The following LYST variants were observed in gnomAD, a reference collection of about 807,000 sequenced individuals.
The protein encoded by LYST is lysosomal-trafficking regulator.
LYST carries 192 observed loss-of-function variants against 413.6 expected under a neutral mutation model. The observed-to-expected ratio is 0.46, with a 90% CI of 0.41 to 0.52. LYST has a LOEUF of 0.52. Ranked by LOEUF, LYST falls within the 20% of genes least tolerant of loss-of-function variation. The pLI is 0.00. For synonymous variants in LYST, 1,525 were observed against 1,567.3 expected, an observed-to-expected ratio of 0.97 and a Z score of 0.64; for missense variants, 3,815 against 4,499.9, an observed-to-expected ratio of 0.85 and a Z score of 4.35.
chr1:235,771,084 T>C (rs1324667234), intron 19 of LYST, among the ~76,000 whole-genome samples: 4 of 152,306 alleles, frequency 2.6e-5, no homozygotes, highest in African/African-American at 7.2e-5. Flanking sequence ...AACCAAGATA[T>C]TGATAGACTT....
intron 50 of LYST, among the ~76,000 whole-genome samples, chr1:235,673,909 C>T (rs1156432748): frequency 6.6e-6 from 1 of 152,182 alleles, no homozygotes; most frequent in African/African-American, 2.4e-5. Context: ...TCCGCTCACA[C>T]CTTAAATAAA....
At chr1:235,698,924 T>C (rs1165185009) in intron 45 of LYST, among the ~76,000 whole-genome samples, 4 of 151,996 alleles carry the variant, frequency 2.6e-5, no homozygotes, top group Non-Finnish European at 2.9e-5. Flanking sequence ...TTGAGAAAAA[T>C]GTGTGTGCTA....
At chr1:235,780,405 T>TA (rs903701174) in intron 16 of LYST, among the ~76,000 whole-genome samples, 30 of 145,922 alleles carry the variant, frequency 2.1e-4, no homozygotes, top group African/African-American at 4.8e-4. Flanking sequence ...TCCTGTCTCT[T>TA]AAAAAAAAAA....
At chr1:235,751,904 C>T in intron 27 of LYST, 101 bp downstream of exon 27, 1 of 873,418 alleles carries the variant, frequency 1.1e-6, no homozygotes, top group South Asian at 1.6e-5. Flanking sequence ...TAATGTTAAA[C>T]TTTTAGTAAA....
chr1:235,773,283 A>T (rs999425845), intron 19 of LYST, among the ~76,000 whole-genome samples: 1 of 151,902 alleles, frequency 6.6e-6, no homozygotes, highest in Non-Finnish European at 1.5e-5. Flanking sequence ...ACGCCACTGC[A>T]CTCCAGCCTG....
chr1:235,738,922 A>G lies in LYST; in HGVS notation c.8358+2500T>C. Reference sequence around the variant, plus strand: ...CGTGTGAAGGTGACTCTGACTCCTGAGGAAGGGGCCCATTTGAAGAACAGT... The same window carrying G: ...CGTGTGAAGGTGACTCTGACTCCTGGGGAAGGGGCCCATTTGAAGAACAGT... On this transcript the variant is annotated intron_variant, in intron 31 of 52. Coordinates refer to ENST00000389793, the MANE Select transcript of LYST (RefSeq NM_000081.4). The G allele has an allele frequency of 4.1e-6, 3 of 729,944 alleles. No homozygotes were observed. In the East Asian group the frequency reaches 7.5e-5, roughly 18 times the overall value. The allele number at this position is 729,944 out of a possible 1,614,324, so 45.2% of individuals were successfully genotyped here.
intron 34 of LYST, 136 bp downstream of exon 34, chr1:235,733,367 A>C (rs986017215): frequency 1.3e-6 from 1 of 758,560 alleles, no homozygotes; most frequent in South Asian, 1.7e-5. Context: ...GATGAAAAAA[A>C]CATCACAAAT....
intron 1 of LYST, among the ~76,000 whole-genome samples, chr1:235,843,230 A>G (rs1369629662): frequency 1.3e-5 from 2 of 151,366 alleles, no homozygotes; most frequent in East Asian, 3.9e-4. Flanking sequence ...TTTTTCATAA[A>G]TTCATTAATT....
intron 49 of LYST, 82 bp from the exon 50 acceptor site, chr1:235,677,270 T>C: frequency 8.4e-7 from 1 of 1,192,422 alleles, no homozygotes; most frequent in Non-Finnish European, 1.2e-6. Context: ...CTTCTCAGTC[T>C]ATGTACCTAT....
chr1:235,798,752 C>T (rs1671870485), intron 10 of LYST, among the ~76,000 whole-genome samples: 1 of 151,998 alleles, frequency 6.6e-6, no homozygotes, highest in Non-Finnish European at 1.5e-5. Context: ...TCACAAAAGA[C>T]CACATATTCC....
chr1:235,820,375 C>CT (rs1176878134), intron 3 of LYST, among the ~76,000 whole-genome samples: 3,958 of 145,178 alleles, frequency 0.027, 163 homozygotes, highest in African/African-American at 0.091. Flanking sequence ...TCTTTTCTTT[C>CT]TTTTTTTTTT....
At chr1:235,750,734 C>A (rs939377095) in intron 28 of LYST, among the ~76,000 whole-genome samples, 2 of 152,126 alleles carry the variant, frequency 1.3e-5, no homozygotes. Context: ...TGCACTGTTT[C>A]TTCTTTAGCT....
At chr1:235,836,337 A>G (rs1477480592) in intron 1 of LYST, among the ~76,000 whole-genome samples, 1 of 152,222 alleles carries the variant, frequency 6.6e-6, no homozygotes, top group Non-Finnish European at 1.5e-5. Context: ...GTGGAGACAG[A>G]TGAAAAGCAA....
chr1:235,828,559 T>C (rs1479954731), intron 3 of LYST: 1 of 163,282 alleles, frequency 6.1e-6, no homozygotes, highest in East Asian at 1.9e-4. Context: ...ATGAACATTA[T>C]ATAATGCTCC....
Position 235,720,916 on chromosome 1 carries a change from AG to A in LYST, c.9316-12del. The A allele has an allele frequency of 6.2e-7, 1 of 1,612,754 alleles. No homozygotes were observed. Among genetic ancestry groups the A allele is most frequent in the South Asian group, 1.1e-5 (1 of 91,056 alleles). ...TACATCATCACGAACCTAAAAGGGAAGGAGAAGAAAAAAACCCAGATATTAT... is the reference window on the plus strand; with the variant it reads ...TACATCATCACGAACCTAAAAGGGAAGAGAAGAAAAAAACCCAGATATTAT... On this transcript the variant is annotated splice_polypyrimidine_tract_variant and intron_variant, in intron 39 of 52. Transcript: ENST00000389793.
rs1244208870 is a variant in LYST at position 235,817,857 on chromosome 1, CTAAAA to C, written c.193-4801_193-4797del. Among the ~76,000 whole-genome samples, 6 of 151,828 alleles carry C rather than the reference CTAAAA, an allele frequency of 4.0e-5. No individual in the cohort carries two copies. The East Asian group carries it at 1.2e-3, about 30-fold the overall frequency. On this transcript the variant is annotated intron_variant, in intron 3 of 52. Transcript: ENST00000389793. The stretch of plus-strand genomic sequence containing the variant: ...CAAACCTGCAAATGCACCCCTGAAC[CTAAAA>C]TAAAAGTAAAAAAAAAAATTTGTTA...
chr1:235,857,062 C>T (rs1679273925), intron 1 of LYST, among the ~76,000 whole-genome samples: 2 of 151,636 alleles, frequency 1.3e-5, no homozygotes, highest in South Asian at 4.2e-4. Flanking sequence ...TCTCATGCCT[C>T]AGCCTCCTCA....
chr1:235,757,472 CA>C lies in LYST; in HGVS notation c.6882-15del. Reference sequence around the variant, plus strand: ...TCTTCAGTTACACTAAAACAGAGACCAAAAAAGTCTTACTAACATGACAAGA... The same window carrying C: ...TCTTCAGTTACACTAAAACAGAGACCAAAAAGTCTTACTAACATGACAAGA... On this transcript the variant is annotated splice_polypyrimidine_tract_variant and intron_variant, in intron 23 of 52. Transcript: ENST00000389793. 2 of 1,607,728 alleles carry C rather than the reference CA, an allele frequency of 1.2e-6. No homozygotes were observed. Among genetic ancestry groups the C allele is most frequent in the Non-Finnish European group, 1.7e-6 (2 of 1,174,710 alleles).
chr1:235,732,171 A>T (rs1029012659), intron 34 of LYST, among the ~76,000 whole-genome samples: 2 of 152,036 alleles, frequency 1.3e-5, no homozygotes, highest in Non-Finnish European at 2.9e-5. Flanking sequence ...TCTTTATCTC[A>T]TCATTTTGAA....
Sources: gnomAD v4.1 joint callset for allele counts (sites outside exome capture counted in the v4.1 genomes callset) on GRCh38, gnomAD v4.1.1 for gene constraint, MANE v1.5 for transcripts, NCBI Gene and HGNC (gene_info 2026-07-23, HGNC 2026-07-21) for gene names.